The following CTNNA3 variants were observed in gnomAD, a reference collection of about 807,000 sequenced individuals.
The protein encoded by CTNNA3 is catenin alpha 3, also known as catenin alpha-3.
CTNNA3 carries 76 observed loss-of-function variants against 95.7 expected under a neutral mutation model. The observed-to-expected ratio is 0.79, with a 90% CI of 0.66 to 0.96. CTNNA3 has a LOEUF of 0.96. Among genes scored for constraint, CTNNA3 ranks in the 40% least tolerant of loss-of-function variants. The probability of loss-of-function intolerance (pLI) is 0.00; values close to 1 mark genes in which losing one functional copy is unlikely to be tolerated. For missense variants in CTNNA3, 1,191 were observed against 1,089.8 expected (o/e 1.09, Z -1.31); for synonymous variants, 431 against 374.4 (o/e 1.15, Z -1.74).
At position 66,166,440 on chromosome 10, in the gene CTNNA3, G is replaced by A. The variant is rs563102311; in HGVS notation, c.1885-63191C>T. ...ACCCAGGAGGCAGAGTTTGAACCGA[G>A]CTGAGATCGCACCACTGCACTGCAC... On this transcript the variant is annotated intron_variant, in intron 13 of 17. Transcript: ENST00000433211. Among the ~76,000 whole-genome samples, 11 of 149,652 alleles carry A rather than the reference G, an allele frequency of 7.4e-5. No individual in the cohort carries two copies. In the South Asian group the frequency reaches 2.1e-3, roughly 29 times the overall value.
At chr10:67,240,504 A>T (rs1315372689) in intron 5 of CTNNA3, among the ~76,000 whole-genome samples, 1 of 152,234 alleles carries the variant, frequency 6.6e-6, no homozygotes, top group East Asian at 1.9e-4. Context: ...AATTAAAAAA[A>T]TGCAAGATTT....
At chr10:67,640,343 T>G (rs1201328740) in intron 2 of CTNNA3, among the ~76,000 whole-genome samples, 1 of 152,014 alleles carries the variant, frequency 6.6e-6, no homozygotes, top group Non-Finnish European at 1.5e-5. Context: ...CACTGCTCAA[T>G]GAAATAAAAG....
intron 13 of CTNNA3, among the ~76,000 whole-genome samples, chr10:66,113,620 A>G (rs2082201003): frequency 6.6e-6 from 1 of 152,166 alleles, no homozygotes; most frequent in Non-Finnish European, 1.5e-5. Flanking sequence ...GATTGGACTA[A>G]TTATTTATAA....
intron 9 of CTNNA3, among the ~76,000 whole-genome samples, chr10:66,746,413 A>T (rs778117414): frequency 2.6e-5 from 4 of 152,200 alleles, no homozygotes; most frequent in Non-Finnish European, 4.4e-5. Context: ...TTAACATTCT[A>T]TAAAATTTGG....
Position 66,170,240 on chromosome 10 carries a change from T to TC in CTNNA3, c.1885-66992dup, listed in dbSNP as rs1192482773. On this transcript the variant is annotated intron_variant, in intron 13 of 17. Coordinates refer to ENST00000433211, the MANE Select transcript of CTNNA3 (RefSeq NM_013266.4). ...TCCAGTTGCATTCTCCTCCTCATTG[T>TC]CTTTTTTTTTTTTTTTTTTTTTTTT... Among the ~76,000 whole-genome samples the TC allele has an allele frequency of 2.4e-4, 31 of 131,848 alleles. No homozygotes were observed. In the East Asian group the frequency reaches 5.5e-3, roughly 23 times the overall value. 86.5% of individuals were successfully genotyped at this position (131,848 alleles called of 152,430 possible). A position where few individuals can be genotyped will look rare whatever the true frequency, so the allele number is the denominator to read the frequency against.
At chr10:67,014,700 A>G (rs1852548622) in intron 7 of CTNNA3, among the ~76,000 whole-genome samples, 1 of 152,064 alleles carries the variant, frequency 6.6e-6, no homozygotes, top group South Asian at 2.1e-4. Flanking sequence ...TATATGTCCT[A>G]TATAAAAACT....
intron 13 of CTNNA3, among the ~76,000 whole-genome samples, chr10:66,110,406 T>TA: frequency 6.7e-6 from 1 of 149,172 alleles, no homozygotes; most frequent in African/African-American, 2.5e-5. Flanking sequence ...GCCTAAGAGA[T>TA]ATCTGCACTT....
chr10:66,514,994 T>G (rs1206818680), intron 11 of CTNNA3, among the ~76,000 whole-genome samples: 1 of 152,076 alleles, frequency 6.6e-6, no homozygotes, highest in East Asian at 1.9e-4. Flanking sequence ...CATTTGTCAT[T>G]AGAGATACCC....
At chr10:66,893,927 TC>T (rs1180122057) in intron 7 of CTNNA3, among the ~76,000 whole-genome samples, 7 of 152,168 alleles carry the variant, frequency 4.6e-5, no homozygotes, top group African/African-American at 1.7e-4. Context: ...GTTTTTTGTA[TC>T]TAATGCTGTA....
intron 1 of CTNNA3, among the ~76,000 whole-genome samples, chr10:67,657,904 C>G (rs979281322): frequency 5.2e-4 from 79 of 150,994 alleles, no homozygotes; most frequent in African/African-American, 1.9e-3. Context: ...CTGTGCCACT[C>G]TCTGAGTAGA....
chr10:66,426,422 T>TA (rs2093241900), intron 11 of CTNNA3, among the ~76,000 whole-genome samples: 1 of 152,136 alleles, frequency 6.6e-6, no homozygotes, highest in Non-Finnish European at 1.5e-5. Flanking sequence ...TTTTTTAATT[T>TA]ACTCTTCTTG....
At chr10:66,920,732 C>A (rs1452140180) in intron 7 of CTNNA3, among the ~76,000 whole-genome samples, 1 of 152,168 alleles carries the variant, frequency 6.6e-6, no homozygotes, top group Non-Finnish European at 1.5e-5. Context: ...TGGTCTTGCT[C>A]ACAAAATGTG....
At chr10:66,447,262 T>C (rs1191331934) in intron 11 of CTNNA3, among the ~76,000 whole-genome samples, 5 of 152,146 alleles carry the variant, frequency 3.3e-5, no homozygotes, top group Non-Finnish European at 7.3e-5. Context: ...AGGTAATTTA[T>C]AGATTCCATG....
intron 5 of CTNNA3, among the ~76,000 whole-genome samples, chr10:67,343,325 A>G (rs1842285909): frequency 6.6e-6 from 1 of 152,174 alleles, no homozygotes; most frequent in African/African-American, 2.4e-5. Flanking sequence ...ATTGCATTAA[A>G]TATATAGATT....
At chr10:67,076,687 G>A (rs947097139) in intron 7 of CTNNA3, among the ~76,000 whole-genome samples, 2 of 152,266 alleles carry the variant, frequency 1.3e-5, no homozygotes, top group Middle Eastern at 3.4e-3. Flanking sequence ...GAAATTCCAG[G>A]TAACCAAACA....
chr10:66,305,241 T>C (rs1282241534), intron 12 of CTNNA3, among the ~76,000 whole-genome samples: 2 of 152,222 alleles, frequency 1.3e-5, no homozygotes, highest in South Asian at 2.1e-4. Context: ...TGTATTACTT[T>C]TGTTTCATTA....
chr10:67,406,471 A>C (rs1845141612), intron 5 of CTNNA3, among the ~76,000 whole-genome samples: 1 of 152,128 alleles, frequency 6.6e-6, no homozygotes, highest in Non-Finnish European at 1.5e-5. Context: ...CAAAATGTTA[A>C]AAAGATCTGA....
At chr10:66,642,792 G>T (rs1034436803) in intron 9 of CTNNA3, among the ~76,000 whole-genome samples, 1 of 152,116 alleles carries the variant, frequency 6.6e-6, no homozygotes, top group African/African-American at 2.4e-5. Context: ...TTTTTGCAGT[G>T]ACATCCTTGC....
At chr10:66,407,756 T>C (rs977670221) in intron 11 of CTNNA3, among the ~76,000 whole-genome samples, 5 of 152,148 alleles carry the variant, frequency 3.3e-5, no homozygotes, top group Admixed American at 6.5e-5. Context: ...AATTTTTGTA[T>C]TTTTAATAGA....
Sources: gnomAD v4.1 joint callset for allele counts (sites outside exome capture counted in the v4.1 genomes callset) on GRCh38, gnomAD v4.1.1 for gene constraint, MANE v1.5 for transcripts, NCBI Gene and HGNC (gene_info 2026-07-23, HGNC 2026-07-21) for gene names.